Variants in ZNF154 observed in about 807,000 individuals in gnomAD.
ZNF154 encodes zinc finger protein 154 (pHZ-92).
ZNF154 carries 6 observed loss-of-function variants against 7.5 expected under a neutral mutation model. The ratio of observed to expected loss-of-function variants is 0.80; its 90% confidence interval spans 0.44 to 1.57. The LOEUF is 1.57. ZNF154 is among the 40% of genes most tolerant of loss of function. The pLI, the probability that ZNF154 is intolerant of heterozygous loss-of-function variation, is 0.01. For synonymous variants in ZNF154, 187 were observed against 185.9 expected, an observed-to-expected ratio of 1.01 and a Z score of -0.05; for missense variants, 485 against 531.4, an observed-to-expected ratio of 0.91 and a Z score of 0.86.
At chr19:57,703,484 C>CAAAAA (rs3062223) in intron 2 of ZNF154, among the ~76,000 whole-genome samples, 25 of 75,136 alleles carry the variant, frequency 3.3e-4, no homozygotes, top group East Asian at 8.0e-4. Flanking sequence ...GACTCCGTCT[C>CAAAAA]AAAAAAAAAA....
At position 57,704,995 on chromosome 19, in the gene ZNF154, C is replaced by T; in HGVS notation, c.34-16G>A. 1.3e-6 allele frequency: 2 copies of T among 1,598,466 alleles called. No homozygotes were observed. Among genetic ancestry groups the T allele is most frequent in the Non-Finnish European group, 1.7e-6 (2 of 1,174,382 alleles). Reference sequence around the variant, plus strand: ...TCACAGTGCCCTGCCACAATGGGAACAGATGAAACCACCAAGAGCCCCTAT... The same window carrying T: ...TCACAGTGCCCTGCCACAATGGGAATAGATGAAACCACCAAGAGCCCCTAT... On this transcript the variant is annotated splice_polypyrimidine_tract_variant and intron_variant, in intron 1 of 2. Transcript: ENST00000684351.
At position 57,702,506 on chromosome 19, in the gene ZNF154, A is replaced by G; in HGVS notation, c.443T>C (p.Leu148Pro). The G allele has an allele frequency of 6.2e-7, 1 of 1,614,170 alleles. No individual in the cohort carries two copies. Among genetic ancestry groups the G allele is most frequent in the Non-Finnish European group, 8.5e-7 (1 of 1,180,028 alleles). The change falls in exon 3 of 3, where the codon CTT (leucine) becomes CCT (proline). Residue 148 changes from leucine (L) to proline (P), a missense_variant. Leu to Pro is a moderately conservative substitution (Grantham distance 98, BLOSUM62 -3). Transcript: ENST00000684351. ...AGTGAGGGTTCTCTGCTGCTGAACA[A>G]GTGTGTGTTTACCGCTGAATGCTTT... Reference protein sequence around the residue: ...HTKAFSGKHTLVQQQRTLTTE... With the variant: ...HTKAFSGKHTPVQQQRTLTTE...
intron 1 of ZNF154, 130 bp downstream of exon 1, chr19:57,708,809 A>T: frequency 8.2e-7 from 1 of 1,225,248 alleles, no homozygotes; most frequent in Non-Finnish European, 1.1e-6. Context: ...TGTCAAAAAA[A>T]GGGCCCCACC....
At chr19:57,703,505 AAAAG>A (rs1237596011) in intron 2 of ZNF154, among the ~76,000 whole-genome samples, 2 of 150,882 alleles carry the variant, frequency 1.3e-5, no homozygotes, top group Admixed American at 6.6e-5. Context: ...AAAAAAAAAA[AAAAG>A]ATTACAGGAA....
At chr19:57,706,165 G>A (rs1019324542) in intron 1 of ZNF154, among the ~76,000 whole-genome samples, 23 of 152,098 alleles carry the variant, frequency 1.5e-4, no homozygotes, top group African/African-American at 5.3e-4. Context: ...AGCACACAGC[G>A]TCCAGAGTAT....
intron 1 of ZNF154, among the ~76,000 whole-genome samples, chr19:57,706,839 C>T (rs969238870): frequency 3.9e-5 from 6 of 152,222 alleles, no homozygotes; most frequent in African/African-American, 1.2e-4. Flanking sequence ...AGGCCGGATG[C>T]GGTGGCTTAC....
chr19:57,707,113 CAAAAAA>C (rs1282058157), intron 1 of ZNF154, among the ~76,000 whole-genome samples: 5 of 94,264 alleles, frequency 5.3e-5, no homozygotes, highest in African/African-American at 2.2e-4. Flanking sequence ...CACTCCATCT[CAAAAAA>C]AAAAAAAAAA....
chr19:57,706,883 G>A (rs1322457961), intron 1 of ZNF154, among the ~76,000 whole-genome samples: 2 of 152,142 alleles, frequency 1.3e-5, no homozygotes, highest in African/African-American at 2.4e-5. Context: ...TGGCTGAGGC[G>A]GGTGGATCAC....
chr19:57,708,994 G>A lies in ZNF154; in HGVS notation c.-23C>T. ...CATCAGACTCTGCGGGTAGAGCTGG[G>A]CCGGGAGCGACGGGCGACATTGGTA... On this transcript the variant is annotated 5_prime_UTR_variant, in exon 1 of 3. Transcript: ENST00000684351. 1.3e-6 allele frequency: 2 copies of A among 1,555,032 alleles called. No individual in the cohort carries two copies. The highest frequency in any genetic ancestry group is 1.7e-6 in the Non-Finnish European group (2 of 1,150,290).
rs117296888 is a variant in ZNF154, at chr19:57,705,081, T to A, written c.34-102A>T. Reference sequence around the variant, plus strand: ...CCCCATGCCCATTCTCTTCCCAAGCTCCCCAACTGAGAGGAGAAACCAGCA... The same window carrying A: ...CCCCATGCCCATTCTCTTCCCAAGCACCCCAACTGAGAGGAGAAACCAGCA... On this transcript the variant is annotated intron_variant, in intron 1 of 2. Transcript: ENST00000684351. 9.9e-3 allele frequency: 14,529 copies of A among 1,467,388 alleles called. 93 individuals are homozygous for A. The highest frequency in any genetic ancestry group is 0.011 in the Non-Finnish European group (12,440 of 1,101,574). The allele number at this position is 1,467,388 out of a possible 1,614,324, so 90.9% of individuals were successfully genotyped here.
rs868712081 is a variant in ZNF154 at position 57,699,082 on chromosome 19, G to A, written c.*2553C>T. 2.0e-5 allele frequency: 3 copies of A among 151,578 alleles called. No homozygotes were observed. The highest frequency in any genetic ancestry group is 4.4e-5 in the Non-Finnish European group (3 of 67,998). 9.4% of individuals were successfully genotyped at this position (151,578 alleles called of 1,614,324 possible). A position where few individuals can be genotyped will look rare whatever the true frequency, so the allele number is the denominator to read the frequency against. On this transcript the variant is annotated 3_prime_UTR_variant, in exon 3 of 3. Transcript: ENST00000684351. ...GCTGGGATTACAGGTGTAAGCCACC[G>A]CATCTGGCCTCTTTTTTTTGAGACG...
At chr19:57,707,113 CAAAAA>C (rs1282058157) in intron 1 of ZNF154, among the ~76,000 whole-genome samples, 1 of 94,298 alleles carries the variant, frequency 1.1e-5, no homozygotes, top group Non-Finnish European at 2.1e-5. Context: ...CACTCCATCT[CAAAAA>C]AAAAAAAAAA....
intron 1 of ZNF154, among the ~76,000 whole-genome samples, chr19:57,707,720 G>A (rs1254833840): frequency 6.6e-6 from 1 of 152,126 alleles, no homozygotes; most frequent in East Asian, 1.9e-4. Flanking sequence ...CAGCTAAAAG[G>A]AAACAGATCT....
Position 57,702,389 on chromosome 19 carries a change from T to C in ZNF154, c.560A>G (p.Lys187Arg), listed in dbSNP as rs1985208063. 1.9e-6 allele frequency: 3 copies of C among 1,612,318 alleles called. No homozygotes were observed. In the East Asian group the frequency reaches 6.7e-5, roughly 36 times the overall value. Reference sequence around the variant, plus strand: ...CCCACACTCTCGACATTCATAAGGCTTTTCTCCAGTGTGAAGTCTCCAATG... The same window carrying C: ...CCCACACTCTCGACATTCATAAGGCCTTTCTCCAGTGTGAAGTCTCCAATG... ...NDHWRLHTGE[K>R]PYECRECGKS... is the part of the protein sequence containing the mutation. The change falls in exon 3 of 3, where the codon AAG becomes AGG. Residue 187 changes from lysine (K) to arginine (R), a missense_variant. Physicochemically the swap from Lys to Arg is conservative, Grantham distance 26. Transcript: ENST00000684351.
Position 57,701,287 on chromosome 19 carries a change from G to A in ZNF154, c.*348C>T, listed in dbSNP as rs1481102083. ...GGTGCACACTGGTGGTCACCTGCCA[G>A]GCAGTAGAGGTAAAATGGCTTCCAC... On this transcript the variant is annotated 3_prime_UTR_variant, in exon 3 of 3. Transcript: ENST00000684351. The A allele has an allele frequency of 3.9e-6, 1 of 259,660 alleles. No individual in the cohort carries two copies. Among genetic ancestry groups the A allele is most frequent in the Non-Finnish European group, 7.4e-6 (1 of 135,610 alleles). The allele number at this position is 259,660 out of a possible 1,614,324, so 16.1% of individuals were successfully genotyped here.
chr19:57,702,750 A>C lies in ZNF154; in HGVS notation c.199T>G (p.Phe67Val). Reference protein sequence around the residue: ...HQKQHLGEKHFRSNVGRALFV... With the variant: ...HQKQHLGEKHVRSNVGRALFV... ...AAGGCTCTGCCCACATTGCTTCTGA[A>C]ATGTTTTTCTCCAAGGTGCTGCTTC... The change falls in exon 3 of 3, where the codon TTC (phenylalanine) becomes GTC (valine). Residue 67 changes from phenylalanine to valine, a missense_variant. By Grantham distance (50) the Phe-to-Val change is conservative (BLOSUM62 -1). Transcript: ENST00000684351. The C allele has an allele frequency of 1.2e-6, 2 of 1,602,790 alleles. No homozygotes were observed. Among genetic ancestry groups the C allele is most frequent in the Non-Finnish European group, 1.7e-6 (2 of 1,170,974 alleles).
intron 2 of ZNF154, among the ~76,000 whole-genome samples, chr19:57,703,666 G>A (rs1198213748): frequency 6.6e-6 from 1 of 152,128 alleles, no homozygotes; most frequent in Non-Finnish European, 1.5e-5. Context: ...GTATATGCAA[G>A]CCCATGGAAA....
chr19:57,702,579 C>G lies in ZNF154; in HGVS notation c.370G>C (p.Ala124Pro), dbSNP rs1380563107. Residue 124 changes from alanine to proline, a missense_variant, in exon 3 of 3, where the codon GCC becomes CCC. By Grantham distance (27) the Ala-to-Pro change is conservative (BLOSUM62 -1). Coordinates refer to ENST00000684351, the MANE Select transcript of ZNF154 (RefSeq NM_001085384.3). ...TGAGTTTTTCCTCTGTGACTGATGG[C>G]CCCACCGTCGCTTTTGCTATTTGAT... ...EQSNSKSDGG[A>P]ISHRGKTHYN... 1 of 1,613,822 alleles carries G rather than the reference C, an allele frequency of 6.2e-7. No individual in the cohort carries two copies. The highest frequency in any genetic ancestry group is 1.7e-5 in the Admixed American group (1 of 59,982).
At position 57,701,748 on chromosome 19, in the gene ZNF154, T is replaced by G. The variant is rs779274230; in HGVS notation, c.1201A>C (p.Ile401Leu). The G allele has an allele frequency of 1.2e-6, 2 of 1,613,826 alleles. No individual in the cohort carries two copies. Among genetic ancestry groups the G allele is most frequent in the East Asian group, 4.5e-5 (2 of 44,830 alleles). Residue 401 changes from isoleucine to leucine, a missense_variant, in exon 3 of 3, where the codon ATT becomes CTT. Ile to Leu is a conservative substitution (Grantham distance 5, BLOSUM62 2). Transcript: ENST00000684351. ...CCAGTGTGAACCCTCCTGTGCTTAATGAGGCCGGAATTTTGAGTAAAGGAT... is the reference window on the plus strand; with the variant it reads ...CCAGTGTGAACCCTCCTGTGCTTAAGGAGGCCGGAATTTTGAGTAAAGGAT... ...GKSFTQNSGLIKHRRVHTGEK... is the reference protein window; with the variant it reads ...GKSFTQNSGLLKHRRVHTGEK...
Sources: allele counts gnomAD v4.1 joint callset (sites outside exome capture counted in the v4.1 genomes callset), GRCh38; gene constraint gnomAD v4.1.1; transcripts MANE v1.5; gene names NCBI Gene and HGNC (gene_info 2026-07-23, HGNC 2026-07-21).